Variants in TASP1 observed in about 807,000 individuals in gnomAD.
TASP1 encodes taspase 1.
Under a neutral mutation model 56.6 loss-of-function variants are expected in TASP1, and 16 were observed. The observed-to-expected ratio is 0.28, with a 90% CI of 0.19 to 0.43. The LOEUF (loss-of-function observed/expected upper bound fraction) is 0.43. Ranked by LOEUF, TASP1 falls within the 20% of genes least tolerant of loss-of-function variation. The pLI, the probability that TASP1 is intolerant of heterozygous loss-of-function variation, is 1.00. For missense variants in TASP1, 393 were observed against 511.6 expected (o/e 0.77, Z 2.24); for synonymous variants, 179 against 184.2 (o/e 0.97, Z 0.23).
intron 11 of TASP1, among the ~76,000 whole-genome samples, chr20:13,481,170 A>G (rs1390370077): frequency 1.3e-5 from 2 of 152,050 alleles, no homozygotes; most frequent in Non-Finnish European, 2.9e-5. Context: ...AGAACATGTG[A>G]TATTTGTCTT....
At chr20:13,304,418 G>A in the TASP1 span, among the ~76,000 whole-genome samples, 1 of 152,134 alleles carries the variant, frequency 6.6e-6, no homozygotes, top group Non-Finnish European at 1.5e-5. Flanking sequence ...TGCTAAGCTG[G>A]ACCCCATTTT....
chr20:13,565,548 T>C (rs567272337), intron 7 of TASP1, among the ~76,000 whole-genome samples: 2 of 152,232 alleles, frequency 1.3e-5, no homozygotes, highest in South Asian at 2.1e-4. Context: ...TATATATTTC[T>C]CTAAGAAAGA....
intron 8 of TASP1, among the ~76,000 whole-genome samples, chr20:13,539,731 A>G (rs1419066066): frequency 6.6e-6 from 1 of 152,226 alleles, no homozygotes; most frequent in East Asian, 1.9e-4. Context: ...AAGATTACTT[A>G]AAAATTCCAA....
At chr20:13,198,568 C>A in the TASP1 span, among the ~76,000 whole-genome samples, 1 of 152,184 alleles carries the variant, frequency 6.6e-6, no homozygotes, top group African/African-American at 2.4e-5. Flanking sequence ...AACATGAGAT[C>A]TACCCTCTTA....
At chr20:13,298,859 G>C in the TASP1 span, 4 of 1,431,238 alleles carry the variant, frequency 2.8e-6, no homozygotes, top group Admixed American at 2.0e-5. Context: ...CTCAGGAGCA[G>C]CCTGGTGTCA....
At chr20:13,233,468 T>G in the TASP1 span, among the ~76,000 whole-genome samples, 1 of 151,706 alleles carries the variant, frequency 6.6e-6, no homozygotes, top group African/African-American at 2.4e-5. Context: ...GGTGGTGCAT[T>G]CCTGTAATCC....
chr20:13,289,131 T>C, the TASP1 span, among the ~76,000 whole-genome samples: 2 of 152,214 alleles, frequency 1.3e-5, no homozygotes, highest in African/African-American at 4.8e-5. Flanking sequence ...AGATAATTGA[T>C]GAGCTGAATG....
the TASP1 span, among the ~76,000 whole-genome samples, chr20:13,291,157 T>C: frequency 6.6e-6 from 1 of 152,184 alleles, no homozygotes; most frequent in South Asian, 2.1e-4. Flanking sequence ...GTTTCCTTCT[T>C]GTTTTCTGTC....
intron 12 of TASP1, among the ~76,000 whole-genome samples, chr20:13,430,574 G>A (rs922929081): frequency 3.9e-5 from 6 of 152,200 alleles, no homozygotes; most frequent in Admixed American, 6.5e-5. Flanking sequence ...ATTCAACAGA[G>A]AGCCCAAGGA....
the TASP1 span, among the ~76,000 whole-genome samples, chr20:13,314,607 GC>G: frequency 6.6e-6 from 1 of 152,052 alleles, no homozygotes; most frequent in Non-Finnish European, 1.5e-5. Flanking sequence ...CAGTAGAAGT[GC>G]CTTGCAAGAA....
the TASP1 span, among the ~76,000 whole-genome samples, chr20:13,149,490 G>A: frequency 6.6e-6 from 1 of 152,186 alleles, no homozygotes; most frequent in African/African-American, 2.4e-5. Flanking sequence ...CCAAGAGTAT[G>A]AGAATGTTTT....
chr20:13,580,462 C>CAAAAT (rs2047080262), intron 6 of TASP1, among the ~76,000 whole-genome samples: 1 of 151,210 alleles, frequency 6.6e-6, no homozygotes, highest in Non-Finnish European at 1.5e-5. Flanking sequence ...TAAAATAAAA[C>CAAAAT]AAAATAAAAA....
At chr20:13,579,862 G>A (rs1014805892) in intron 6 of TASP1, among the ~76,000 whole-genome samples, 1 of 151,962 alleles carries the variant, frequency 6.6e-6, no homozygotes, top group Non-Finnish European at 1.5e-5. Flanking sequence ...AATCTATCTG[G>A]GTAAAGGATT....
At chr20:13,112,563 G>T in the TASP1 span, among the ~76,000 whole-genome samples, 11 of 152,202 alleles carry the variant, frequency 7.2e-5, no homozygotes, top group African/African-American at 1.7e-4. Context: ...TTTGCAGGCA[G>T]CCATCTTTGG....
At chr20:13,288,795 T>G in the TASP1 span, 1 of 1,192,912 alleles carries the variant, frequency 8.4e-7, no homozygotes, top group Non-Finnish European at 1.2e-6. Flanking sequence ...TCTTTTCTTT[T>G]TTTTTTTGAG....
the TASP1 span, among the ~76,000 whole-genome samples, chr20:13,363,320 C>A: frequency 6.6e-6 from 1 of 152,058 alleles, no homozygotes. Context: ...CATAAAATTC[C>A]CCAAACTATG....
intron 13 of TASP1, chr20:13,393,231 AC>A: frequency 1.4e-6 from 1 of 732,210 alleles, no homozygotes; most frequent in Admixed American, 1.8e-5. Context: ...CACCCAGAAG[AC>A]TGTGGATGGC....
At chr20:13,580,308 A>G (rs1471231439) in intron 6 of TASP1, among the ~76,000 whole-genome samples, 3 of 152,030 alleles carry the variant, frequency 2.0e-5, no homozygotes, top group Non-Finnish European at 4.4e-5. Flanking sequence ...ATGTCCAGGA[A>G]CGGTGGCACA....
At chr20:13,521,737 T>A (rs2044767107) in intron 10 of TASP1, among the ~76,000 whole-genome samples, 1 of 152,060 alleles carries the variant, frequency 6.6e-6, no homozygotes, top group South Asian at 2.1e-4. Flanking sequence ...CATATGTAAC[T>A]AATCTGCACG....
Sources: allele counts gnomAD v4.1 joint callset (sites outside exome capture counted in the v4.1 genomes callset), GRCh38; gene constraint gnomAD v4.1.1; transcripts MANE v1.5; gene names NCBI Gene and HGNC (gene_info 2026-07-23, HGNC 2026-07-21).